EPHA7: variants seen among roughly 807,000 people sequenced by gnomAD.
EPHA7 encodes EPH receptor A7, also known as ephrin type-A receptor 7.
EPHA7 carries 25 observed loss-of-function variants against 112.6 expected under a neutral mutation model. The observed-to-expected ratio is 0.22, with a 90% confidence interval of 0.16 to 0.31. The LOEUF is 0.31. Among genes scored for constraint, EPHA7 ranks in the 10% least tolerant of loss-of-function variants. The pLI is 1.00. For synonymous variants in EPHA7, 437 were observed against 406.5 expected (o/e 1.07, Z -0.90); for missense variants, 962 against 1,212.6 (o/e 0.79, Z 3.07).
chr6:93,317,686 A>C (rs1180295493), intron 5 of EPHA7, among the ~76,000 whole-genome samples: 3 of 152,162 alleles, frequency 2.0e-5, no homozygotes, highest in Non-Finnish European at 2.9e-5. Flanking sequence ...GAATTAAAAC[A>C]TAGTTAAGTT....
intron 11 of EPHA7, among the ~76,000 whole-genome samples, chr6:93,257,755 C>T (rs190329341): frequency 6.4e-4 from 98 of 152,124 alleles, no homozygotes; most frequent in East Asian, 2.5e-3. Flanking sequence ...GTTCTTCTGA[C>T]TCCTGCTTTG....
At chr6:93,375,510 C>A (rs974112307) in intron 3 of EPHA7, among the ~76,000 whole-genome samples, 2 of 150,854 alleles carry the variant, frequency 1.3e-5, no homozygotes, top group African/African-American at 4.9e-5. Flanking sequence ...TCCAGCTACT[C>A]GAGAGGCTGA....
intron 6 of EPHA7, 32 bp from the exon 7 acceptor site, chr6:93,269,692 T>G: frequency 6.8e-7 from 1 of 1,460,864 alleles, no homozygotes. Flanking sequence ...AATATTTAAT[T>G]GTGATTGCAA....
At chr6:93,298,087 C>A (rs181990281) in intron 5 of EPHA7, among the ~76,000 whole-genome samples, 2 of 151,938 alleles carry the variant, frequency 1.3e-5, no homozygotes, top group African/African-American at 4.8e-5. Flanking sequence ...GCCATATTAG[C>A]CACAAAATAA....
chr6:93,407,396 C>A (rs1005223059), intron 3 of EPHA7, among the ~76,000 whole-genome samples: 8 of 151,972 alleles, frequency 5.3e-5, no homozygotes, highest in Non-Finnish European at 1.0e-4. Context: ...TAAAGGCAAG[C>A]CTGGAGTGAT....
intron 5 of EPHA7, among the ~76,000 whole-genome samples, chr6:93,286,960 C>CT (rs1486527960): frequency 6.6e-6 from 1 of 152,092 alleles, no homozygotes; most frequent in African/African-American, 2.4e-5. Flanking sequence ...TTTTAAAAGA[C>CT]TTTCAATAAC....
intron 3 of EPHA7, among the ~76,000 whole-genome samples, chr6:93,405,550 T>C (rs1562162216): frequency 6.6e-6 from 1 of 151,608 alleles, no homozygotes; most frequent in Non-Finnish European, 1.5e-5. Flanking sequence ...ATTCATTGAT[T>C]ATTTGCTATG....
At chr6:93,276,242 T>C (rs760290922) in intron 5 of EPHA7, among the ~76,000 whole-genome samples, 1 of 152,012 alleles carries the variant, frequency 6.6e-6, no homozygotes, top group Non-Finnish European at 1.5e-5. Context: ...CAAACAGAGA[T>C]GCTGTAGAAG....
intron 5 of EPHA7, among the ~76,000 whole-genome samples, chr6:93,282,929 G>A (rs1162171432): frequency 1.3e-5 from 2 of 152,152 alleles, no homozygotes; most frequent in Non-Finnish European, 2.9e-5. Flanking sequence ...CCTCCCCGAG[G>A]AGCGCTGCCC....
intron 5 of EPHA7, among the ~76,000 whole-genome samples, chr6:93,312,307 C>T (rs986780294): frequency 6.6e-6 from 1 of 152,104 alleles, no homozygotes; most frequent in Non-Finnish European, 1.5e-5. Flanking sequence ...AGAGTGGTCA[C>T]CTTCATCAAT....
chr6:93,390,339 A>G (rs995520408), intron 3 of EPHA7, among the ~76,000 whole-genome samples: 1 of 151,912 alleles, frequency 6.6e-6, no homozygotes, highest in African/African-American at 2.4e-5. Flanking sequence ...ATGAATTGAA[A>G]AAAATCAGCC....
intron 3 of EPHA7, among the ~76,000 whole-genome samples, chr6:93,378,492 A>T (rs923466858): frequency 4.6e-5 from 7 of 152,152 alleles, no homozygotes; most frequent in African/African-American, 9.7e-5. Context: ...GGAACTGGAC[A>T]TCGAGAAAAT....
At chr6:93,309,629 G>A (rs1773429710) in intron 5 of EPHA7, among the ~76,000 whole-genome samples, 1 of 151,786 alleles carries the variant, frequency 6.6e-6, no homozygotes, top group Non-Finnish European at 1.5e-5. Context: ...TTCATAAACT[G>A]TGATCCTATA....
chr6:93,392,351 G>C (rs1482031664), intron 3 of EPHA7, among the ~76,000 whole-genome samples: 1 of 151,936 alleles, frequency 6.6e-6, no homozygotes, highest in Admixed American at 6.6e-5. Flanking sequence ...CAGTTGTCCT[G>C]ACTGCTTTCG....
intron 5 of EPHA7, among the ~76,000 whole-genome samples, chr6:93,300,237 T>A (rs1322745836): frequency 2.0e-5 from 3 of 152,152 alleles, no homozygotes; most frequent in Admixed American, 1.3e-4. Flanking sequence ...AGTACTACAA[T>A]CATAGAACAG....
chr6:93,304,898 C>T (rs980488403), intron 5 of EPHA7, among the ~76,000 whole-genome samples: 13 of 151,988 alleles, frequency 8.6e-5, no homozygotes, highest in Non-Finnish European at 1.5e-5. Context: ...TGGTTTGCTT[C>T]CTTTCCTCTT....
intron 5 of EPHA7, among the ~76,000 whole-genome samples, chr6:93,280,741 G>T (rs1372762749): frequency 6.6e-6 from 1 of 151,948 alleles, no homozygotes; most frequent in African/African-American, 2.4e-5. Context: ...ATCATAAATA[G>T]AATTGTTATG....
chr6:93,376,394 G>C (rs1330973074), intron 3 of EPHA7, among the ~76,000 whole-genome samples: 1 of 152,042 alleles, frequency 6.6e-6, no homozygotes, highest in Non-Finnish European at 1.5e-5. Flanking sequence ...ACCTGTCTTG[G>C]CCTCTCAAAG....
chr6:93,283,679 C>A (rs1338552762), intron 5 of EPHA7, among the ~76,000 whole-genome samples: 1 of 152,136 alleles, frequency 6.6e-6, no homozygotes, highest in African/African-American at 2.4e-5. Flanking sequence ...AAGGAAGAAA[C>A]TCCAAACACA....
Sources: gnomAD v4.1 joint callset for allele counts (sites outside exome capture counted in the v4.1 genomes callset) on GRCh38, gnomAD v4.1.1 for gene constraint, MANE v1.5 for transcripts, NCBI Gene and HGNC (gene_info 2026-07-23, HGNC 2026-07-21) for gene names.